Variants in ANKMY1 observed in about 807,000 individuals in gnomAD.
ANKMY1 encodes the protein ankyrin repeat and MYND domain containing 1.
ANKMY1 carries 98 observed loss-of-function variants against 102.0 expected under a neutral mutation model. The observed-to-expected ratio is 0.96, with a 90% CI of 0.82 to 1.14. The LOEUF (loss-of-function observed/expected upper bound fraction) is 1.14, where lower values mean the gene tolerates loss of function less well. Among genes scored for constraint, ANKMY1 ranks in the 50% most tolerant of loss-of-function variants. The pLI is 0.00. For missense variants in ANKMY1, 1,330 were observed against 1,347.6 expected (o/e 0.99, Z 0.20); for synonymous variants, 582 against 559.9 (o/e 1.04, Z -0.56).
At chr2:240,476,278 C>T (rs529287799), downstream of ANKMY1, among the ~76,000 whole-genome samples, 8 of 152,214 alleles carry the variant, frequency 5.3e-5, no homozygotes, top group East Asian at 1.4e-3. Context: ...CTTGGAAAGT[C>T]GGATATGTAC....
rs375358965 is a variant in ANKMY1 at position 240,553,033 on chromosome 2, C to G, written c.361G>C (p.Asp121His). 13 of 1,613,934 alleles carry G rather than the reference C, an allele frequency of 8.1e-6. No homozygotes were observed. The East Asian group carries it at 2.5e-4, about 30-fold the overall frequency. The change falls in exon 4 of 18, where the codon GAC (aspartate) becomes CAC (histidine). Residue 121 changes from aspartate (D) to histidine (H), a missense_variant. By Grantham distance (81) the Asp-to-His change is moderately conservative. Transcript: ENST00000401804. ...TAGGTACCCAGGCCATGGCAGTGGT[C>G]CCGGTAAAACTGCCCATGGTATGAC... is the stretch of plus-strand genomic sequence containing the variant. ...GESYHGQFYR[D>H]HCHGLGTYMW...
rs2090579968 is a variant in ANKMY1, at chr2:240,547,288, G to C, written c.480+5626C>G. Reference sequence around the variant, plus strand: ...CTGGGTACATAACGAAATGAAGGCAGAAATAAAGATATTCTTTGAAACCAA... The same window carrying C: ...CTGGGTACATAACGAAATGAAGGCACAAATAAAGATATTCTTTGAAACCAA... On this transcript the variant is annotated intron_variant, in intron 4 of 17. Coordinates refer to ENST00000401804, the MANE Select transcript of ANKMY1 (RefSeq NM_001282771.3). Among the ~76,000 whole-genome samples, 6 of 152,116 alleles carry C rather than the reference G, an allele frequency of 3.9e-5. 1 individual carries two copies. The South Asian group carries it at 1.2e-3, about 31-fold the overall frequency.
At chr2:240,559,717 G>C (rs1239090702), upstream of ANKMY1, among the ~76,000 whole-genome samples, 1 of 152,234 alleles carries the variant, frequency 6.6e-6, no homozygotes, top group Non-Finnish European at 1.5e-5. Flanking sequence ...TGCAACCAGG[G>C]AAGACCTGGC....
At chr2:240,523,594 C>A (rs144311713) in intron 8 of ANKMY1, 2 of 494,792 alleles carry the variant, frequency 4.0e-6, no homozygotes, top group Admixed American at 3.4e-5. Flanking sequence ...CACAGAGACA[C>A]TTCAGGCCAG....
intron 4 of ANKMY1, among the ~76,000 whole-genome samples, chr2:240,533,487 T>C (rs1225827793): frequency 1.3e-5 from 2 of 152,220 alleles, no homozygotes; most frequent in Non-Finnish European, 2.9e-5. Context: ...TAACTCAATC[T>C]TTCTAAAATA....
At chr2:240,486,407 A>T (rs538714704) in intron 15 of ANKMY1, among the ~76,000 whole-genome samples, 1 of 152,354 alleles carries the variant, frequency 6.6e-6, no homozygotes, top group South Asian at 2.1e-4. Context: ...AAGTCAATTA[A>T]CAAAGAAGAA....
rs113509161 is a variant in ANKMY1, at chr2:240,555,893, C to T, written c.147-838G>A. Among the ~76,000 whole-genome samples, 841 of 152,148 alleles carry T rather than the reference C, an allele frequency of 5.5e-3. 2 individuals carry two copies. Among genetic ancestry groups the T allele is most frequent in the Non-Finnish European group, 7.6e-3 (516 of 67,986 alleles). ...ATGGACAGGGCATCTCAGTTCCCCC[C>T]CAGACGGACAGAGCATCTGAGACCC... On this transcript the variant is annotated intron_variant, in intron 2 of 17. Transcript: ENST00000401804.
upstream of ANKMY1, chr2:240,560,409 G>A: frequency 3.0e-6 from 1 of 334,866 alleles, no homozygotes; most frequent in Non-Finnish European, 5.2e-6. Flanking sequence ...ACGGCGCCCG[G>A]GGACAGAGAA....
intron 4 of ANKMY1, among the ~76,000 whole-genome samples, chr2:240,539,718 T>A (rs2088105344): frequency 6.6e-6 from 1 of 152,214 alleles, no homozygotes; most frequent in Non-Finnish European, 1.5e-5. Flanking sequence ...CTCAGATGCA[T>A]GATGCTAAGT....
intron 11 of ANKMY1, among the ~76,000 whole-genome samples, chr2:240,509,693 T>C (rs1401370326): frequency 2.0e-5 from 3 of 152,184 alleles, no homozygotes; most frequent in African/African-American, 7.2e-5. Flanking sequence ...CATTCATCAC[T>C]TCCAAATGAA....
chr2:240,529,023 A>G lies in ANKMY1; in HGVS notation c.953+14T>C, dbSNP rs2084594025. On this transcript the variant is annotated intron_variant, in intron 5 of 17. Transcript: ENST00000401804. The surrounding 1 kb of genome is among the most constrained non-coding windows in gnomAD (Gnocchi z 4.2). ...TGCACGGCCCTAGGGGAGGAGCAGT[A>G]GCAGACTAGTCACCTGAACTTGTAA... 1.2e-6 allele frequency: 2 copies of G among 1,611,934 alleles called. No individual in the cohort carries two copies. Among genetic ancestry groups the G allele is most frequent in the African/African-American group, 1.3e-5 (1 of 74,844 alleles).
At chr2:240,541,614 T>C (rs1483652524) in intron 4 of ANKMY1, among the ~76,000 whole-genome samples, 1 of 149,360 alleles carries the variant, frequency 6.7e-6, no homozygotes, top group East Asian at 2.1e-4. Flanking sequence ...GCCATTCTCC[T>C]GCCTCAGCCT....
At chr2:240,509,210 T>G in intron 12 of ANKMY1, 138 bp downstream of exon 12, 2 of 652,806 alleles carry the variant, frequency 3.1e-6, no homozygotes, top group East Asian at 3.2e-5. Context: ...GGTGAGTGGA[T>G]GGGTGGATGG....
chr2:240,473,478 C>CAAAAAAAAA, the ANKMY1 span, among the ~76,000 whole-genome samples: 1 of 135,076 alleles, frequency 7.4e-6, no homozygotes, highest in African/African-American at 2.8e-5. Context: ...ACCAATTAAC[C>CAAAAAAAAA]AAAAAAAAAA....
chr2:240,491,869 T>C (rs1295864519), intron 15 of ANKMY1, among the ~76,000 whole-genome samples: 1 of 152,226 alleles, frequency 6.6e-6, no homozygotes, highest in African/African-American at 2.4e-5. Flanking sequence ...AGTCTGAGTA[T>C]AATGTGCCAT....
rs1361983820 is a variant in ANKMY1 at position 240,557,093 on chromosome 2, C to G, written c.146+97G>C. The stretch of plus-strand genomic sequence containing the variant: ...GAAACTAGTTTCTCAGGGAGTAACA[C>G]AGTTCAGGGATTTTTACTGCTTGCC... On this transcript the variant is annotated intron_variant, in intron 2 of 17. Transcript: ENST00000401804. 4 of 1,290,740 alleles carry G rather than the reference C, an allele frequency of 3.1e-6. No individual in the cohort carries two copies. The South Asian group carries it at 8.4e-5, about 27-fold the overall frequency. The allele number at this position is 1,290,740 out of a possible 1,614,324, so 80.0% of individuals were successfully genotyped here.
chr2:240,533,208 AC>A (rs2085864961), intron 4 of ANKMY1, among the ~76,000 whole-genome samples: 2 of 152,346 alleles, frequency 1.3e-5, no homozygotes, highest in Admixed American at 1.3e-4. Flanking sequence ...TAACTTTGAA[AC>A]TGATAATGTG....
At chr2:240,521,699 C>T (rs2082314971) in intron 8 of ANKMY1, among the ~76,000 whole-genome samples, 1 of 151,850 alleles carries the variant, frequency 6.6e-6, no homozygotes, top group Admixed American at 6.6e-5. Context: ...GGGGTTTCAC[C>T]GTGTTAGCCA....
At chr2:240,557,125 A>G in intron 2 of ANKMY1, 65 bp downstream of exon 2, 4 of 1,385,670 alleles carry the variant, frequency 2.9e-6, no homozygotes, top group Non-Finnish European at 3.8e-6. Flanking sequence ...TGCCTTAAGG[A>G]GAATCCCGGC....
Sources: gnomAD v4.1 joint callset for allele counts (sites outside exome capture counted in the v4.1 genomes callset) on GRCh38, gnomAD v4.1.1 for gene constraint, Gnocchi (gnomAD v3.1) non-coding constraint, MANE v1.5 for transcripts, NCBI Gene and HGNC (gene_info 2026-07-23, HGNC 2026-07-21) for gene names.